DROSHA: variants seen among roughly 807,000 people sequenced by gnomAD.
The protein encoded by DROSHA is drosha ribonuclease III, also known as ribonuclease 3.
A neutral mutation model predicts 181.9 loss-of-function variants in DROSHA; 56 were observed. The ratio of observed to expected loss-of-function variants is 0.31; its 90% confidence interval spans 0.25 to 0.38. The LOEUF (loss-of-function observed/expected upper bound fraction) is 0.38. Ranked by LOEUF, DROSHA falls within the 10% of genes least tolerant of loss-of-function variation. The pLI is 1.00. For missense variants in DROSHA, 1,218 were observed against 1,743.5 expected (o/e 0.70, Z 5.37); for synonymous variants, 524 against 591.2 (o/e 0.89, Z 1.65).
rs1173456485 is a variant in DROSHA, at chr5:31,411,076, C to T, written c.3526-189G>A. Among the ~76,000 whole-genome samples the T allele has an allele frequency of 1.3e-5, 2 of 152,162 alleles. No homozygotes were observed. The highest frequency in any genetic ancestry group is 4.8e-5 in the African/African-American group (2 of 41,410). On this transcript the variant is annotated intron_variant, in intron 30 of 35. Coordinates refer to ENST00000344624, the MANE Select transcript of DROSHA (RefSeq NM_001382508.1). This position sits in a 1 kb window ranked among gnomAD's most constrained non-coding sequence, Gnocchi z 4.2. ...TGCCCATTTACCTTCTCCTTAATAA[C>T]GTACTCCACTCTACTATCCTGGATT...
intron 23 of DROSHA, among the ~76,000 whole-genome samples, chr5:31,437,607 C>T (rs927684701): frequency 2.6e-5 from 4 of 152,128 alleles, no homozygotes; most frequent in Non-Finnish European, 5.9e-5. Context: ...TTCCATACTA[C>T]TATCAGGTAG....
In DROSHA at chr5:31,435,868, C is replaced by CA. The variant is rs199971247; in HGVS notation, c.2943-5dup. Reference sequence around the variant, plus strand: ...AAACAAATAGTACAAATGGACGCTACAAAAAAAAAAAGAAGTACATGAATA... The same window carrying CA: ...AAACAAATAGTACAAATGGACGCTACAAAAAAAAAAAAGAAGTACATGAATA... On this transcript the variant is annotated splice_polypyrimidine_tract_variant and splice_region_variant and intron_variant, in intron 24 of 35. Transcript: ENST00000344624. 0.048 allele frequency: 49,488 copies of CA among 1,025,418 alleles called. No homozygotes were observed. Among genetic ancestry groups the CA allele is most frequent in the Non-Finnish European group, 0.052 (38,356 of 739,650 alleles). 63.5% of individuals were successfully genotyped at this position (1,025,418 alleles called of 1,614,324 possible).
At chr5:31,433,898 G>A (rs1744496524) in intron 25 of DROSHA, among the ~76,000 whole-genome samples, 1 of 152,188 alleles carries the variant, frequency 6.6e-6, no homozygotes, top group African/African-American at 2.4e-5. Context: ...TACTGTTTAT[G>A]TTTTAAAATG....
rs1216229961 is a variant in DROSHA, at chr5:31,508,720, G to A, written c.1488C>T (p.Ser496=). The part of the protein sequence containing the change: ...ESDEDSTCSS[S]SDSEVFDVIA... ...TAACGTCAAAAACTTCAGAGTCTGA[G>A]CTGCTAGAACAGGTGCTGTCCTCAT... The change falls in exon 10 of 36, where the codon AGC becomes AGT. Residue 496 remains serine, a synonymous_variant. Coordinates refer to ENST00000344624, the MANE Select transcript of DROSHA (RefSeq NM_001382508.1). 1 of 1,613,934 alleles carries A rather than the reference G, an allele frequency of 6.2e-7. No individual in the cohort carries two copies. The highest frequency in any genetic ancestry group is 8.5e-7 in the Non-Finnish European group (1 of 1,179,872).
chr5:31,459,078 C>CT (rs1748040348), intron 20 of DROSHA, among the ~76,000 whole-genome samples: 1 of 152,118 alleles, frequency 6.6e-6, no homozygotes. Flanking sequence ...TTCAAACAGA[C>CT]TAAAATAAAT....
In DROSHA at chr5:31,493,267, G is replaced by A. The variant is rs746967129; in HGVS notation, c.1782C>T (p.Tyr594=). The A allele has an allele frequency of 1.2e-4, 187 of 1,603,842 alleles. No homozygotes were observed. The highest frequency in any genetic ancestry group is 6.8e-5 in the Admixed American group (4 of 58,506). ...CTTCAAAGATATACTCGTGATCATC[G>A]TATTCTATAACAGTTGGCCTGTCAG... The part of the protein sequence containing the change: ...FLTDRPTVIE[Y]DDHEYIFEGF... The change falls in exon 13 of 36, where the codon TAC becomes TAT. Residue 594 remains tyrosine (Y), a synonymous_variant. Coordinates refer to ENST00000344624, the MANE Select transcript of DROSHA (RefSeq NM_001382508.1).
chr5:31,456,563 T>C (rs192858095), intron 20 of DROSHA, among the ~76,000 whole-genome samples: 230 of 151,902 alleles, frequency 1.5e-3, no homozygotes, highest in African/African-American at 5.2e-3. Flanking sequence ...GTTGTCAGTA[T>C]AAAGGTAATC....
intron 34 of DROSHA, among the ~76,000 whole-genome samples, 180 bp downstream of exon 34, chr5:31,406,673 G>A (rs1377449939): frequency 6.6e-6 from 1 of 152,110 alleles, no homozygotes; most frequent in East Asian, 1.9e-4. Flanking sequence ...ATGGTCCAGG[G>A]CTCGGCTTTG....
At chr5:31,426,879 G>A (rs1416163065) in intron 27 of DROSHA, among the ~76,000 whole-genome samples, 1 of 152,158 alleles carries the variant, frequency 6.6e-6, no homozygotes, top group Non-Finnish European at 1.5e-5. Flanking sequence ...TAGAGTTCAA[G>A]TGAGAAATGA....
chr5:31,469,991 G>T (rs1749549745), intron 17 of DROSHA, among the ~76,000 whole-genome samples: 1 of 152,114 alleles, frequency 6.6e-6, no homozygotes, highest in South Asian at 2.1e-4. Context: ...AATGTAGTGT[G>T]GTGTCTACCT....
intron 4 of DROSHA, 120 bp downstream of exon 4, chr5:31,528,920 T>G: frequency 1.6e-5 from 21 of 1,346,764 alleles, no homozygotes; most frequent in South Asian, 2.7e-5. Context: ...GTTGAAAGAA[T>G]GAGCACATTA....
At chr5:31,438,081 C>A (rs1295002504) in intron 23 of DROSHA, among the ~76,000 whole-genome samples, 1 of 152,182 alleles carries the variant, frequency 6.6e-6, no homozygotes, top group Non-Finnish European at 1.5e-5. Context: ...GAAGTCATAT[C>A]CCACAGGCTG....
rs1002990980 is a variant in DROSHA at position 31,409,086 on chromosome 5, T to A, written c.3824A>T (p.Glu1275Val). The A allele has an allele frequency of 6.2e-7, 1 of 1,613,760 alleles. No individual in the cohort carries two copies. Among genetic ancestry groups the A allele is most frequent in the Non-Finnish European group, 8.5e-7 (1 of 1,179,824 alleles). ...CAGAGGAATGTCTGGCTCTTTTCCT[T>A]CTGTCCTAAGTGTCAAGCAACACTG... ...LQQCCLTLRT[E>V]GKEPDIPLYK... Residue 1275 changes from glutamate (E) to valine (V), a missense_variant, in exon 33 of 36, where the codon GAA becomes GTA. Coordinates refer to ENST00000344624, the MANE Select transcript of DROSHA (RefSeq NM_001382508.1). This position sits in a 1 kb window ranked among gnomAD's most constrained non-coding sequence, Gnocchi z 4.0.
At chr5:31,404,206 A>G (rs1440337951) in intron 35 of DROSHA, among the ~76,000 whole-genome samples, 2 of 152,114 alleles carry the variant, frequency 1.3e-5, no homozygotes, top group Non-Finnish European at 2.9e-5. Context: ...CACTCCTACC[A>G]GTATGGATAT....
At chr5:31,434,808 C>T (rs929246429) in intron 25 of DROSHA, among the ~76,000 whole-genome samples, 4 of 152,158 alleles carry the variant, frequency 2.6e-5, no homozygotes, top group Non-Finnish European at 5.9e-5. Context: ...GATTTAAGAG[C>T]CACCATTCTG....
chr5:31,408,945 C>G (rs1489122573), intron 33 of DROSHA, 111 bp downstream of exon 33: 9 of 986,218 alleles, frequency 9.1e-6, no homozygotes, highest in Admixed American at 2.8e-5. Flanking sequence ...AAGTCTCAAT[C>G]CTGGGCTCCT....
chr5:31,446,767 C>CGGTG (rs1226424484), intron 23 of DROSHA, among the ~76,000 whole-genome samples: 3 of 151,270 alleles, frequency 2.0e-5, no homozygotes, highest in East Asian at 3.9e-4. Context: ...GGGCCAGGCA[C>CGGTG]GGTGACTCAG....
At chr5:31,503,539 A>G (rs1008795385) in intron 11 of DROSHA, among the ~76,000 whole-genome samples, 1 of 152,112 alleles carries the variant, frequency 6.6e-6, no homozygotes, top group Non-Finnish European at 1.5e-5. Context: ...CCCTCTCCCA[A>G]GGTTGTGCCC....
chr5:31,469,620 G>C (rs1294516212), intron 17 of DROSHA, among the ~76,000 whole-genome samples: 1 of 152,192 alleles, frequency 6.6e-6, no homozygotes, highest in African/African-American at 2.4e-5. Context: ...CTGTGGAATA[G>C]AATGCTATTG....
Sources: gnomAD v4.1 joint callset for allele counts (sites outside exome capture counted in the v4.1 genomes callset) on GRCh38, gnomAD v4.1.1 for gene constraint, Gnocchi (gnomAD v3.1) non-coding constraint, MANE v1.5 for transcripts, NCBI Gene and HGNC (gene_info 2026-07-23, HGNC 2026-07-21) for gene names.